Variants in PDE1C observed in about 807,000 individuals in gnomAD.
The protein encoded by PDE1C is phosphodiesterase 1C.
PDE1C carries 62 observed loss-of-function variants against 93.1 expected under a neutral mutation model. The observed-to-expected ratio is 0.67, with a 90% CI of 0.54 to 0.82. PDE1C has a LOEUF of 0.82. PDE1C is among the 40% of genes least tolerant of loss of function. The probability of loss-of-function intolerance (pLI) is 0.00; values close to 1 mark genes in which losing one functional copy is unlikely to be tolerated. For synonymous variants in PDE1C, 325 were observed against 310.1 expected (o/e 1.05, Z -0.50); for missense variants, 742 against 884.6 (o/e 0.84, Z 2.04).
At chr7:32,313,656 A>G (rs1783103907) in intron 1 of PDE1C, among the ~76,000 whole-genome samples, 1 of 151,832 alleles carries the variant, frequency 6.6e-6, no homozygotes, top group African/African-American at 2.4e-5. Flanking sequence ...CGCAAGGACA[A>G]AAAACCAAAC....
At chr7:31,665,273 T>C in the PDE1C span, among the ~76,000 whole-genome samples, 2 of 152,230 alleles carry the variant, frequency 1.3e-5, no homozygotes, top group African/African-American at 4.8e-5. Context: ...AAAGACTTCA[T>C]TGACAATTAT....
chr7:32,071,063 C>T (rs1796005335), upstream of PDE1C: 2 of 985,468 alleles, frequency 2.0e-6, no homozygotes, highest in Non-Finnish European at 2.4e-6. Flanking sequence ...GCTGTCACCG[C>T]GGGCGCGGAG....
chr7:32,112,657 G>C (rs1426252639), intron 3 of PDE1C, among the ~76,000 whole-genome samples: 1 of 149,056 alleles, frequency 6.7e-6, no homozygotes, highest in Non-Finnish European at 1.5e-5. Context: ...ATCTTGCTAT[G>C]TTGCCCAGGC....
intron 16 of PDE1C, among the ~76,000 whole-genome samples, chr7:31,783,137 G>C (rs1215405357): frequency 6.6e-6 from 1 of 152,132 alleles, no homozygotes; most frequent in African/African-American, 2.4e-5. Context: ...GTAGGAGAAA[G>C]AAAAAGTTTG....
At chr7:31,925,934 A>G (rs1239637485) in intron 2 of PDE1C, among the ~76,000 whole-genome samples, 1 of 152,168 alleles carries the variant, frequency 6.6e-6, no homozygotes, top group Admixed American at 6.5e-5. Context: ...ATGTATGCAT[A>G]TGTGCACACT....
At chr7:31,624,335 C>G in the PDE1C span, among the ~76,000 whole-genome samples, 1 of 147,746 alleles carries the variant, frequency 6.8e-6, no homozygotes, top group East Asian at 2.0e-4. Flanking sequence ...GCCAAAAGAA[C>G]ACAGCTGGAG....
chr7:32,017,054 C>T (rs1788005950), intron 2 of PDE1C, among the ~76,000 whole-genome samples: 1 of 152,118 alleles, frequency 6.6e-6, no homozygotes, highest in Non-Finnish European at 1.5e-5. Context: ...AATAGCAGTA[C>T]TTATTTCATA....
intron 9 of PDE1C, among the ~76,000 whole-genome samples, chr7:31,840,370 C>T (rs949805281): frequency 1.5e-4 from 23 of 152,076 alleles, no homozygotes; most frequent in African/African-American, 5.3e-4. Context: ...GGATTCAAAA[C>T]CTATGTAAAA....
At chr7:32,339,056 TTAGTAAGC>T (rs1040632920) in intron 1 of PDE1C, among the ~76,000 whole-genome samples, 1 of 146,314 alleles carries the variant, frequency 6.8e-6, no homozygotes. Context: ...ACAAAGAGTA[TTAGTAAGC>T]TAAGTATTCA....
intron 2 of PDE1C, among the ~76,000 whole-genome samples, chr7:32,172,413 C>A (rs572963640): frequency 6.6e-6 from 1 of 152,144 alleles, no homozygotes; most frequent in Non-Finnish European, 1.5e-5. Context: ...AAAGAAGACA[C>A]TTACATGGCC....
chr7:31,716,639 T>C, the PDE1C span, among the ~76,000 whole-genome samples: 1 of 152,232 alleles, frequency 6.6e-6, no homozygotes, highest in East Asian at 1.9e-4. Flanking sequence ...ATGCATCTGT[T>C]ATTTAGTTCC....
At chr7:32,256,454 G>T (rs558656039) in intron 1 of PDE1C, among the ~76,000 whole-genome samples, 24 of 152,246 alleles carry the variant, frequency 1.6e-4, no homozygotes, top group African/African-American at 5.5e-4. Context: ...TCGCACCCCA[G>T]CTCCCCTTCC....
At chr7:31,949,186 C>G (rs952959335) in intron 2 of PDE1C, among the ~76,000 whole-genome samples, 3 of 152,148 alleles carry the variant, frequency 2.0e-5, no homozygotes, top group African/African-American at 4.8e-5. Context: ...CAGCTGGGCA[C>G]AGTGTCTCAT....
At chr7:32,082,780 G>A (rs1420399193) in intron 3 of PDE1C, among the ~76,000 whole-genome samples, 2 of 152,234 alleles carry the variant, frequency 1.3e-5, no homozygotes, top group African/African-American at 4.8e-5. Context: ...CAGCAGACCT[G>A]CAGCTGAGGG....
intron 1 of PDE1C, among the ~76,000 whole-genome samples, chr7:32,292,865 G>A (rs1453027980): frequency 1.3e-5 from 2 of 152,232 alleles, no homozygotes; most frequent in African/African-American, 2.4e-5. Context: ...TGTGGAGGCT[G>A]AGTGGACACG....
At chr7:32,120,192 G>A (rs2128763233) in intron 3 of PDE1C, among the ~76,000 whole-genome samples, 1 of 152,294 alleles carries the variant, frequency 6.6e-6, no homozygotes, top group Middle Eastern at 3.4e-3. Context: ...CCTCCCTGAA[G>A]GAACTCCAGC....
chr7:32,290,328 G>T (rs1380213331), intron 1 of PDE1C, among the ~76,000 whole-genome samples: 1 of 152,218 alleles, frequency 6.6e-6, no homozygotes, highest in Non-Finnish European at 1.5e-5. Context: ...GGCAGAGGCA[G>T]CCAGGAGCAG....
chr7:32,178,274 C>T (rs568751559), intron 2 of PDE1C, among the ~76,000 whole-genome samples: 86 of 152,274 alleles, frequency 5.6e-4, no homozygotes, highest in African/African-American at 2.0e-3. Flanking sequence ...CTCATCTCAA[C>T]TCAATCTGGT....
chr7:32,221,409 C>G (rs1806853145), intron 1 of PDE1C, among the ~76,000 whole-genome samples: 1 of 152,148 alleles, frequency 6.6e-6, no homozygotes, highest in Non-Finnish European at 1.5e-5. Flanking sequence ...GCCATCCAAA[C>G]AGGCTGGGAG....
Sources: allele counts gnomAD v4.1 joint callset (sites outside exome capture counted in the v4.1 genomes callset), GRCh38; gene constraint gnomAD v4.1.1; transcripts MANE v1.5; gene names NCBI Gene and HGNC (gene_info 2026-07-23, HGNC 2026-07-21).